RBM25: variants seen among roughly 807,000 people sequenced by gnomAD.
The protein encoded by RBM25 is RNA binding motif protein 25, also known as RNA-binding protein 25.
A neutral mutation model predicts 120.7 loss-of-function variants in RBM25; 19 were observed. The observed-to-expected ratio is 0.16, with a 90% CI of 0.11 to 0.23. The LOEUF (loss-of-function observed/expected upper bound fraction) is 0.23, where lower values mean the gene tolerates loss of function less well. RBM25 is among the 10% of genes least tolerant of loss of function. The pLI, the probability that RBM25 is intolerant of heterozygous loss-of-function variation, is 1.00. For missense variants in RBM25, 605 were observed against 1,041.5 expected (o/e 0.58, Z 5.77); for synonymous variants, 390 against 326.7 (o/e 1.19, Z -2.09).
In RBM25 at chr14:73,085,029, C is replaced by CT. The variant is rs201685724; in HGVS notation, c.382+1486dup. Among the ~76,000 whole-genome samples, 760 of 150,496 alleles carry CT rather than the reference C, an allele frequency of 5.0e-3. 2 individuals carry two copies. Among genetic ancestry groups the CT allele is most frequent in the African/African-American group, 0.018 (737 of 40,982 alleles). On this transcript the variant is annotated intron_variant, in intron 5 of 18. Transcript: ENST00000261973. ...AAGTAATTCATCAGTAGTCTTTTTT[C>CT]TTTTTTTTGAGACAGAGTCTTGTTA...
chr14:73,099,443 A>G lies in RBM25; in HGVS notation c.783+10A>G, dbSNP rs752724048. Reference sequence around the variant, plus strand: ...TCCACTCATCACTAAGGTTAGTTTAAATTGTAGGCTTTGACAATACCTGTG... The same window carrying G: ...TCCACTCATCACTAAGGTTAGTTTAGATTGTAGGCTTTGACAATACCTGTG... On this transcript the variant is annotated intron_variant, in intron 8 of 18. Coordinates refer to ENST00000261973, the MANE Select transcript of RBM25 (RefSeq NM_021239.3). 1.2e-6 allele frequency: 2 copies of G among 1,608,776 alleles called. No individual in the cohort carries two copies. Among genetic ancestry groups the G allele is most frequent in the South Asian group, 2.2e-5 (2 of 89,694 alleles).
rs1448575782 is a variant in RBM25 at position 73,123,004 on chromosome 14, C to A, written c.*3199C>A. On this transcript the variant is annotated 3_prime_UTR_variant, in exon 19 of 19. Transcript: ENST00000261973. ...AACTCATGAACGTAATGTAATCTTG[C>A]AAAATTATGTCTGAGAAAGCCCTAA... The A allele has an allele frequency of 2.6e-5, 4 of 152,124 alleles. No individual in the cohort carries two copies. Among genetic ancestry groups the A allele is most frequent in the African/African-American group, 7.2e-5 (3 of 41,418 alleles). The allele number at this position is 152,124 out of a possible 1,614,324, so 9.4% of individuals were successfully genotyped here.
intron 17 of RBM25, among the ~76,000 whole-genome samples, chr14:73,112,771 GTTTGTTTTGT>G (rs535163637): frequency 6.6e-6 from 1 of 151,494 alleles, no homozygotes. Context: ...TGTTAGTTTT[GTTTGTTTTGT>G]TTTGTTTTGT....
At chr14:73,106,351 C>G in intron 12 of RBM25, 66 bp downstream of exon 12, 2 of 1,190,398 alleles carry the variant, frequency 1.7e-6, no homozygotes, top group South Asian at 3.5e-5. Context: ...TTACTGCTAA[C>G]TACAAGTAAC....
In RBM25 at chr14:73,105,842, T is replaced by C; in HGVS notation, c.1155-17T>C. On this transcript the variant is annotated splice_polypyrimidine_tract_variant and intron_variant, in intron 10 of 18. Transcript: ENST00000261973. ...AAAGTAGACTGACAGATTTGTAAAA[T>C]ATTTTGTTTACATTAGAGAAAAAAG... 2 of 1,599,802 alleles carry C rather than the reference T, an allele frequency of 1.3e-6. No homozygotes were observed. Among genetic ancestry groups the C allele is most frequent in the Middle Eastern group, 1.7e-4 (1 of 5,980 alleles).
At chr14:73,091,168 T>C (rs1271002522) in intron 6 of RBM25, among the ~76,000 whole-genome samples, 1 of 152,250 alleles carries the variant, frequency 6.6e-6, no homozygotes, top group Non-Finnish European at 1.5e-5. Context: ...GTCACTATAC[T>C]ACGTATTTTT....
At chr14:73,083,465 C>A (rs1163594760) in intron 4 of RBM25, 29 bp from the exon 5 acceptor site, 1 of 1,510,360 alleles carries the variant, frequency 6.6e-7, no homozygotes, top group Non-Finnish European at 8.9e-7. Flanking sequence ...TAAATGGTAG[C>A]AATCTGTTTG....
intron 6 of RBM25, among the ~76,000 whole-genome samples, chr14:73,091,185 A>G (rs1369369229): frequency 6.6e-6 from 1 of 152,336 alleles, no homozygotes; most frequent in East Asian, 1.9e-4. Context: ...TTTTATAAAT[A>G]AGGAAGTGCA....
chr14:73,071,688 C>T lies in RBM25; in HGVS notation c.47C>T (p.Ala16Val). 1.2e-6 allele frequency: 2 copies of T among 1,614,042 alleles called. No homozygotes were observed. Among genetic ancestry groups the T allele is most frequent in the South Asian group, 1.1e-5 (1 of 91,078 alleles). ...HLNRPPMGIP[A>V]LPPGIPPPQF... ...AATCGCCCTCCCATGGGAATCCCAG[C>T]ACTCCCACCAGGGATCCCACCCCCG... Residue 16 changes from alanine to valine, a missense_variant, in exon 2 of 19, where the codon GCA becomes GTA. Around this residue, in one of 4 missense-constraint regions of RBM25, gnomAD observed 90 missense variants for 107.3 expected, o/e 0.84. Coordinates refer to ENST00000261973, the MANE Select transcript of RBM25 (RefSeq NM_021239.3).
intron 1 of RBM25, chr14:73,068,221 A>G: frequency 1.2e-6 from 1 of 857,698 alleles, no homozygotes; most frequent in South Asian, 1.3e-5. Flanking sequence ...TTCCATTGAT[A>G]CAGATGAGAA....
intron 10 of RBM25, among the ~76,000 whole-genome samples, chr14:73,103,988 A>ACTCTCT (rs1566597550): frequency 5.9e-5 from 7 of 118,354 alleles, no homozygotes; most frequent in African/African-American, 2.4e-4. Context: ...ACACACACAC[A>ACTCTCT]CACACACTCT....
At chr14:73,079,948 A>G (rs1262231892) in intron 4 of RBM25, among the ~76,000 whole-genome samples, 1 of 150,494 alleles carries the variant, frequency 6.6e-6, no homozygotes, top group Non-Finnish European at 1.5e-5. Flanking sequence ...ACTCTGCTCT[A>G]ATGGAATTCA....
rs1896510057 is a variant in RBM25, at chr14:73,119,903, TA to T, written c.*100del. 14 of 1,459,700 alleles carry T rather than the reference TA, an allele frequency of 9.6e-6. No homozygotes were observed. Among genetic ancestry groups the T allele is most frequent in the Non-Finnish European group, 9.0e-7 (1 of 1,111,376 alleles). 90.4% of individuals were successfully genotyped at this position (1,459,700 alleles called of 1,614,324 possible). ...GTCTTTGAAGACATTGTGAGATCTGTAATTTTTTTTTTTTGTAGAAAATGTG... is the reference window on the plus strand; with the variant it reads ...GTCTTTGAAGACATTGTGAGATCTGTATTTTTTTTTTTTGTAGAAAATGTG... On this transcript the variant is annotated 3_prime_UTR_variant, in exon 19 of 19. Coordinates refer to ENST00000261973, the MANE Select transcript of RBM25 (RefSeq NM_021239.3).
chr14:73,116,430 C>T (rs1395056170), intron 18 of RBM25, among the ~76,000 whole-genome samples: 1 of 152,170 alleles, frequency 6.6e-6, no homozygotes, highest in Non-Finnish European at 1.5e-5. Flanking sequence ...GGTCTAGCTG[C>T]TTTGTGTCCA....
rs1896312104 is a variant in RBM25 at position 73,111,678 on chromosome 14, A to G, written c.2168A>G (p.Asn723Ser). The change falls in exon 16 of 19, where the codon AAT becomes AGT. Residue 723 changes from asparagine (N) to serine (S), a missense_variant. By Grantham distance (46) the Asn-to-Ser change is conservative. This residue lies in a region of RBM25 where 465 missense variants were observed against 741.6 expected (regional missense o/e 0.63). Coordinates refer to ENST00000261973, the MANE Select transcript of RBM25 (RefSeq NM_021239.3). ...TTGGATTATGGTGAAGATGATAAAAATGCAACCAAAGGCACTGTAAACACT... is the reference window on the plus strand; with the variant it reads ...TTGGATTATGGTGAAGATGATAAAAGTGCAACCAAAGGCACTGTAAACACT... The part of the protein sequence containing the change: ...VPLDYGEDDK[N>S]ATKGTVNTEE... 2 of 1,614,170 alleles carry G rather than the reference A, an allele frequency of 1.2e-6. No homozygotes were observed. Among genetic ancestry groups the G allele is most frequent in the Non-Finnish European group, 1.7e-6 (2 of 1,180,016 alleles).
rs1204746881 is a variant in RBM25 at position 73,112,254 on chromosome 14, A to T, written c.2391+4A>T. The T allele has an allele frequency of 6.3e-7, 1 of 1,585,940 alleles. No individual in the cohort carries two copies. The highest frequency in any genetic ancestry group is 2.3e-5 in the East Asian group (1 of 43,776). On this transcript the variant is annotated splice_donor_region_variant and intron_variant, in intron 17 of 18. Transcript: ENST00000261973. ...AGTTGATTTTGTTTGTTCTAAGGTT[A>T]GTCTTCTATTCTCTTCCATGCCAGC...
At chr14:73,088,970 G>A (rs1895749176) in intron 6 of RBM25, among the ~76,000 whole-genome samples, 1 of 152,102 alleles carries the variant, frequency 6.6e-6, no homozygotes, top group Non-Finnish European at 1.5e-5. Flanking sequence ...GCGAAACCCT[G>A]TCTCTACTAA....
chr14:73,074,922 T>A (rs1471158943), intron 2 of RBM25, among the ~76,000 whole-genome samples: 1 of 152,026 alleles, frequency 6.6e-6, no homozygotes, highest in Non-Finnish European at 1.5e-5. Context: ...GCTCAAGCGA[T>A]GTGCCTGTCT....
chr14:73,107,764 A>G, intron 12 of RBM25, 62 bp from the exon 13 acceptor site: 2 of 1,224,128 alleles, frequency 1.6e-6, no homozygotes, highest in East Asian at 2.4e-5. Context: ...TACACAAAAA[A>G]GGGAAGAGTA....
Sources: allele counts gnomAD v4.1 joint callset (sites outside exome capture counted in the v4.1 genomes callset), GRCh38; gene constraint gnomAD v4.1.1; regional missense constraint gnomAD v4.1.1; transcripts MANE v1.5; gene names NCBI Gene and HGNC (gene_info 2026-07-23, HGNC 2026-07-21).